Variants in FRAT2 observed in about 807,000 individuals in gnomAD.
FRAT2 encodes the protein FRAT regulator of Wnt signaling pathway 2.
For synonymous variants in FRAT2, 205 were observed against 171.5 expected (o/e 1.20, Z -1.53); for missense variants, 326 against 340.8 (o/e 0.96, Z 0.34).
chr10:97,334,093 C>A lies in FRAT2; in HGVS notation c.480G>T (p.Gln160His). 3 of 1,589,232 alleles carry A rather than the reference C, an allele frequency of 1.9e-6. No homozygotes were observed. The highest frequency in any genetic ancestry group is 2.6e-6 in the Non-Finnish European group (3 of 1,176,420). ...GTGCCCCGGCTTGGGTCCATCGGCGCTGCTGCAAGCGGCGGGAGGTGACCG... is the reference window on the plus strand; with the variant it reads ...GTGCCCCGGCTTGGGTCCATCGGCGATGCTGCAAGCGGCGGGAGGTGACCG... ...RDAVTSRRLQ[Q>H]RRWTQAGARA... Residue 160 changes from glutamine (Q) to histidine (H), a missense_variant, in exon 1 of 1, where the codon CAG becomes CAT. Coordinates refer to ENST00000371019, the MANE Select transcript of FRAT2 (RefSeq NM_012083.3).
rs1843539804 is a variant in FRAT2 at position 97,332,970 on chromosome 10, GA to G, written c.*900del. ...AGAGATCGTTTATGACTGTTTCTGA[GA>G]AAGCTCCTGGCATGGCCATGAGTGG... On this transcript the variant is annotated 3_prime_UTR_variant, in exon 1 of 1. Coordinates refer to ENST00000371019, the MANE Select transcript of FRAT2 (RefSeq NM_012083.3). 2 of 152,278 alleles carry G rather than the reference GA, an allele frequency of 1.3e-5. No homozygotes were observed. Among genetic ancestry groups the G allele is most frequent in the South Asian group, 4.1e-4 (2 of 4,836 alleles). The allele number at this position is 152,278 out of a possible 1,614,324, so 9.4% of individuals were successfully genotyped here. A position where few individuals can be genotyped will look rare whatever the true frequency, so the allele number is the denominator to read the frequency against.
chr10:97,334,244 G>T lies in FRAT2; in HGVS notation c.329C>A (p.Ala110Asp). The T allele has an allele frequency of 1.7e-6, 2 of 1,198,510 alleles. No individual in the cohort carries two copies. The highest frequency in any genetic ancestry group is 2.1e-6 in the Non-Finnish European group (2 of 967,772). The allele number at this position is 1,198,510 out of a possible 1,614,324, so 74.2% of individuals were successfully genotyped here. ...AETVGPAPSG[A>D]LRCALGDRGR... ...GCGGTCCCCTAGGGCGCAGCGCAGG[G>T]CCCCAGAGGGCGCCGGGCCCACCGT... The change falls in exon 1 of 1, where the codon GCC becomes GAC. Residue 110 changes from alanine to aspartate, a missense_variant. Ala to Asp is a moderately radical substitution (Grantham distance 126). Coordinates refer to ENST00000371019, the MANE Select transcript of FRAT2 (RefSeq NM_012083.3).
At position 97,334,058 on chromosome 10, in the gene FRAT2, T is replaced by G; in HGVS notation, c.515A>C (p.Asp172Ala). Residue 172 changes from aspartate to alanine, a missense_variant, in exon 1 of 1, where the codon GAC (aspartate) becomes GCC (alanine). By Grantham distance (126) the Asp-to-Ala change is moderately radical (BLOSUM62 -2). Transcript: ENST00000371019. ...RWTQAGARAG[D>A]DDPHRLLQQL... ...CTGGAGGAGCCGATGCGGGTCGTCG[T>G]CGCCGGCGCGTGCCCCGGCTTGGGT... is the stretch of plus-strand genomic sequence containing the variant. 1 of 1,595,148 alleles carries G rather than the reference T, an allele frequency of 6.3e-7. No homozygotes were observed. The highest frequency in any genetic ancestry group is 8.5e-7 in the Non-Finnish European group (1 of 1,178,502).
rs963426915 is a variant in FRAT2 at position 97,334,659 on chromosome 10, C to A, written c.-87G>T. The A allele has an allele frequency of 1.3e-5, 17 of 1,283,256 alleles. No individual in the cohort carries two copies. The African/African-American group carries it at 2.5e-4, about 19-fold the overall frequency. The allele number at this position is 1,283,256 out of a possible 1,614,324, so 79.5% of individuals were successfully genotyped here. A position where few individuals can be genotyped will look rare whatever the true frequency, so the allele number is the denominator to read the frequency against. Reference sequence around the variant, plus strand: ...CGCGGAGCTGCGGGCGAAGCCGGAGCAGGGGCGGACGCGGAAGCCGGAGCC... The same window carrying A: ...CGCGGAGCTGCGGGCGAAGCCGGAGAAGGGGCGGACGCGGAAGCCGGAGCC... On this transcript the variant is annotated 5_prime_UTR_variant, in exon 1 of 1. Transcript: ENST00000371019.
rs765014260 is a variant in FRAT2 at position 97,333,976 on chromosome 10, G to A, written c.597C>T (p.Ala199=). The A allele has an allele frequency of 3.5e-5, 56 of 1,583,814 alleles. No individual in the cohort carries two copies. The highest frequency in any genetic ancestry group is 8.0e-5 in the African/African-American group (6 of 74,628). Residue 199 remains alanine (A), a synonymous_variant, in exon 1 of 1, where the codon GCC becomes GCT. Transcript: ENST00000371019. ...IKEAVRRLQR[A]VAAVAATGPA... is the part of the protein sequence containing the mutation. ...GGCCCGTGGCTGCAACCGCGGCGAC[G>A]GCTCGTTGGAGTCTCCGCACGGCTT...
rs1337842521 is a variant in FRAT2, at chr10:97,332,677, C to A, written c.*1194G>T. 6.6e-6 allele frequency: 1 copy of A among 152,160 alleles called. No homozygotes were observed. Among genetic ancestry groups the A allele is most frequent in the Non-Finnish European group, 1.5e-5 (1 of 68,044 alleles). 9.4% of individuals were successfully genotyped at this position (152,160 alleles called of 1,614,324 possible). A position where few individuals can be genotyped will look rare whatever the true frequency, so the allele number is the denominator to read the frequency against. ...GCTACCTTAAAGTTTGGGGGTGGCA[C>A]CTTACAAAAGCGCCGTCAAGTTTCA... On this transcript the variant is annotated 3_prime_UTR_variant, in exon 1 of 1. Coordinates refer to ENST00000371019, the MANE Select transcript of FRAT2 (RefSeq NM_012083.3).
At position 97,334,095 on chromosome 10, in the gene FRAT2, G is replaced by A; in HGVS notation, c.478C>T (p.Gln160Ter). The change falls in exon 1 of 1, where the codon CAG becomes TAG. Residue 160 changes from glutamine to a stop codon, truncating the protein, a stop_gained. Coordinates refer to ENST00000371019, the MANE Select transcript of FRAT2 (RefSeq NM_012083.3). LOFTEE classifies it low-confidence loss of function (END_TRUNC). Reference protein sequence around the residue: ...RDAVTSRRLQQRRWTQAGARA... With the variant: ...RDAVTSRRLQ ...GCCCCGGCTTGGGTCCATCGGCGCT[G>A]CTGCAAGCGGCGGGAGGTGACCGCG... is the stretch of plus-strand genomic sequence containing the variant. The A allele has an allele frequency of 6.3e-7, 1 of 1,587,572 alleles. No homozygotes were observed. Among genetic ancestry groups the A allele is most frequent in the Non-Finnish European group, 8.5e-7 (1 of 1,175,722 alleles).
At position 97,334,092 on chromosome 10, in the gene FRAT2, G is replaced by A. The variant is rs766102767; in HGVS notation, c.481C>T (p.Arg161Cys). ...CGTGCCCCGGCTTGGGTCCATCGGCGCTGCTGCAAGCGGCGGGAGGTGACC... is the reference window on the plus strand; with the variant it reads ...CGTGCCCCGGCTTGGGTCCATCGGCACTGCTGCAAGCGGCGGGAGGTGACC... ...DAVTSRRLQQ[R>C]RWTQAGARAG... Residue 161 changes from arginine to cysteine, a missense_variant, in exon 1 of 1, where the codon CGC (arginine) becomes TGC (cysteine). Arg to Cys is a radical substitution (Grantham distance 180, BLOSUM62 -3). Transcript: ENST00000371019. 70 of 1,588,754 alleles carry A rather than the reference G, an allele frequency of 4.4e-5. No individual in the cohort carries two copies. In the African/African-American group the frequency reaches 5.2e-4, roughly 12 times the overall value.
rs1422096663 is a variant in FRAT2, at chr10:97,333,821, G to A, written c.*50C>T. 2.8e-6 allele frequency: 4 copies of A among 1,415,344 alleles called. No individual in the cohort carries two copies. The East Asian group carries it at 8.1e-5, about 29-fold the overall frequency. The allele number at this position is 1,415,344 out of a possible 1,614,324, so 87.7% of individuals were successfully genotyped here. Reference sequence around the variant, plus strand: ...AGCTCAGAGTTAGTAGGAACTGGACGCTGTTGGGTCTACGCAGCGGCCTCC... The same window carrying A: ...AGCTCAGAGTTAGTAGGAACTGGACACTGTTGGGTCTACGCAGCGGCCTCC... On this transcript the variant is annotated 3_prime_UTR_variant, in exon 1 of 1. Coordinates refer to ENST00000371019, the MANE Select transcript of FRAT2 (RefSeq NM_012083.3).
In FRAT2 at chr10:97,334,307, G is replaced by A. The variant is rs1344809339; in HGVS notation, c.266C>T (p.Pro89Leu). 5 of 1,134,512 alleles carry A rather than the reference G, an allele frequency of 4.4e-6. No individual in the cohort carries two copies. Among genetic ancestry groups the A allele is most frequent in the South Asian group, 8.5e-5 (2 of 23,550 alleles). 70.3% of individuals were successfully genotyped at this position (1,134,512 alleles called of 1,614,324 possible). ...GGGCGGCAGCAGCAGCGGCACCGCCGGGGGCCGGGCCTTGTCCGCCGGCAC... is the reference window on the plus strand; with the variant it reads ...GGGCGGCAGCAGCAGCGGCACCGCCAGGGGCCGGGCCTTGTCCGCCGGCAC... Reference protein sequence around the residue: ...AAVPADKARPPAVPLLLPPAS... With the variant: ...AAVPADKARPLAVPLLLPPAS... Residue 89 changes from proline (P) to leucine (L), a missense_variant, in exon 1 of 1, where the codon CCG (proline) becomes CTG (leucine). Transcript: ENST00000371019.
rs1843556062 is a variant in FRAT2, at chr10:97,334,298, G to A, written c.275C>T (p.Pro92Leu). ...PADKARPPAV[P>L]LLLPPASAET... is the part of the protein sequence containing the mutation. ...AGCCGAAGCGGGCGGCAGCAGCAGCGGCACCGCCGGGGGCCGGGCCTTGTC... is the reference window on the plus strand; with the variant it reads ...AGCCGAAGCGGGCGGCAGCAGCAGCAGCACCGCCGGGGGCCGGGCCTTGTC... The change falls in exon 1 of 1, where the codon CCG (proline) becomes CTG (leucine). Residue 92 changes from proline to leucine, a missense_variant. Coordinates refer to ENST00000371019, the MANE Select transcript of FRAT2 (RefSeq NM_012083.3). The A allele has an allele frequency of 8.8e-7, 1 of 1,137,266 alleles. No homozygotes were observed. Among genetic ancestry groups the A allele is most frequent in the Non-Finnish European group, 1.1e-6 (1 of 929,194 alleles). The allele number at this position is 1,137,266 out of a possible 1,614,324, so 70.4% of individuals were successfully genotyped here. A position where few individuals can be genotyped will look rare whatever the true frequency, so the allele number is the denominator to read the frequency against.
chr10:97,333,977 G>A lies in FRAT2; in HGVS notation c.596C>T (p.Ala199Val). ...GCCCGTGGCTGCAACCGCGGCGACG[G>A]CTCGTTGGAGTCTCCGCACGGCTTC... ...IKEAVRRLQR[A>V]VAAVAATGPA... is the part of the protein sequence containing the mutation. Residue 199 changes from alanine to valine, a missense_variant, in exon 1 of 1, where the codon GCC becomes GTC. By Grantham distance (64) the Ala-to-Val change is moderately conservative (BLOSUM62 0). Transcript: ENST00000371019. 1 of 1,584,364 alleles carries A rather than the reference G, an allele frequency of 6.3e-7. No individual in the cohort carries two copies. Among genetic ancestry groups the A allele is most frequent in the Non-Finnish European group, 8.5e-7 (1 of 1,173,252 alleles).
Position 97,333,808 on chromosome 10 carries a change from G to A in FRAT2, c.*63C>T. 1 of 1,396,256 alleles carries A rather than the reference G, an allele frequency of 7.2e-7. No homozygotes were observed. The highest frequency in any genetic ancestry group is 9.3e-7 in the Non-Finnish European group (1 of 1,076,324). 86.5% of individuals were successfully genotyped at this position (1,396,256 alleles called of 1,614,324 possible). The stretch of plus-strand genomic sequence containing the variant: ...CGACGTCGGCTTCAGCTCAGAGTTA[G>A]TAGGAACTGGACGCTGTTGGGTCTA... On this transcript the variant is annotated 3_prime_UTR_variant, in exon 1 of 1. Transcript: ENST00000371019.
At position 97,334,506 on chromosome 10, in the gene FRAT2, C is replaced by T; in HGVS notation, c.67G>A (p.Asp23Asn). The T allele has an allele frequency of 1.3e-5, 19 of 1,494,812 alleles. No homozygotes were observed. Among genetic ancestry groups the T allele is most frequent in the Non-Finnish European group, 1.7e-5 (19 of 1,127,106 alleles). The allele number at this position is 1,494,812 out of a possible 1,614,324, so 92.6% of individuals were successfully genotyped here. A position where few individuals can be genotyped will look rare whatever the true frequency, so the allele number is the denominator to read the frequency against. Residue 23 changes from aspartate (D) to asparagine (N), a missense_variant, in exon 1 of 1, where the codon GAC (aspartate) becomes AAC (asparagine). Coordinates refer to ENST00000371019, the MANE Select transcript of FRAT2 (RefSeq NM_012083.3). Reference protein sequence around the residue: ...EEAEGEEEEDDSFLLLQQSVT... With the variant: ...EEAEGEEEEDNSFLLLQQSVT... ...GACTGCTGCAGCAGGAGGAAGCTGT[C>T]GTCCTCCTCTTCCTCCCCCTCCGCC...
At position 97,333,958 on chromosome 10, in the gene FRAT2, G is replaced by A. The variant is rs369885319; in HGVS notation, c.615C>T (p.Ala205=). Residue 205 remains alanine (A), a synonymous_variant, in exon 1 of 1, where the codon GCC becomes GCT. Coordinates refer to ENST00000371019, the MANE Select transcript of FRAT2 (RefSeq NM_012083.3). The part of the protein sequence containing the change: ...RLQRAVAAVA[A]TGPASAPGPG... The stretch of plus-strand genomic sequence containing the variant: ...GCCCAGGGGCGCTTGCGGGGCCCGT[G>A]GCTGCAACCGCGGCGACGGCTCGTT... The A allele has an allele frequency of 2.5e-6, 4 of 1,578,542 alleles. No homozygotes were observed. Among genetic ancestry groups the A allele is most frequent in the Non-Finnish European group, 8.5e-7 (1 of 1,169,908 alleles).
rs768870341 is a variant in FRAT2, at chr10:97,334,159, G to A, written c.414C>T (p.Ser138=). The A allele has an allele frequency of 3.4e-6, 5 of 1,450,270 alleles. No homozygotes were observed. The highest frequency in any genetic ancestry group is 4.5e-6 in the Non-Finnish European group (5 of 1,112,178). The allele number at this position is 1,450,270 out of a possible 1,614,324, so 89.8% of individuals were successfully genotyped here. A position where few individuals can be genotyped will look rare whatever the true frequency, so the allele number is the denominator to read the frequency against. The part of the protein sequence containing the change: ...YCVAEVAAGP[S]ALPGPCRRGW... ...CTCGCCGGCACGGCCCCGGCAGCGC[G>A]CTGGGGCCTGCGGCGACCTCCGCCA... Residue 138 remains serine, a synonymous_variant, in exon 1 of 1, where the codon AGC becomes AGT. Transcript: ENST00000371019.
Position 97,334,173 on chromosome 10 carries a change from C to A in FRAT2, c.400G>T (p.Ala134Ser), listed in dbSNP as rs1446293703. ...RAAPYCVAEV[A>S]AGPSALPGPC... Reference sequence around the variant, plus strand: ...CCCGGCAGCGCGCTGGGGCCTGCGGCGACCTCCGCCACGCAGTAGGGCGCA... The same window carrying A: ...CCCGGCAGCGCGCTGGGGCCTGCGGAGACCTCCGCCACGCAGTAGGGCGCA... The change falls in exon 1 of 1, where the codon GCC becomes TCC. Residue 134 changes from alanine (A) to serine (S), a missense_variant. Transcript: ENST00000371019. The A allele has an allele frequency of 1.4e-6, 2 of 1,394,244 alleles. No homozygotes were observed. The highest frequency in any genetic ancestry group is 1.8e-6 in the Non-Finnish European group (2 of 1,084,168). 86.4% of individuals were successfully genotyped at this position (1,394,244 alleles called of 1,614,324 possible).
Position 97,334,490 on chromosome 10 carries a change from A to T in FRAT2, c.83T>A (p.Leu28Gln). ...GCTGCCCAGCGTCACCGACTGCTGC[A>T]GCAGGAGGAAGCTGTCGTCCTCCTC... is the stretch of plus-strand genomic sequence containing the variant. ...EEEEDDSFLLLQQSVTLGSSG... is the reference protein window; with the variant it reads ...EEEEDDSFLLQQQSVTLGSSG... The change falls in exon 1 of 1, where the codon CTG (leucine) becomes CAG (glutamine). Residue 28 changes from leucine (L) to glutamine (Q), a missense_variant. Leu to Gln is a moderately radical substitution (Grantham distance 113). Coordinates refer to ENST00000371019, the MANE Select transcript of FRAT2 (RefSeq NM_012083.3). 1 of 1,493,492 alleles carries T rather than the reference A, an allele frequency of 6.7e-7. No homozygotes were observed. The highest frequency in any genetic ancestry group is 1.2e-5 in the South Asian group (1 of 80,330). The allele number at this position is 1,493,492 out of a possible 1,614,324, so 92.5% of individuals were successfully genotyped here.
In FRAT2 at chr10:97,334,096, C is replaced by G. The variant is rs566685296; in HGVS notation, c.477G>C (p.Gln159His). ...LRDAVTSRRL[Q>H]QRRWTQAGAR... The stretch of plus-strand genomic sequence containing the variant: ...CCCCGGCTTGGGTCCATCGGCGCTG[C>G]TGCAAGCGGCGGGAGGTGACCGCGT... The change falls in exon 1 of 1, where the codon CAG becomes CAC. Residue 159 changes from glutamine to histidine, a missense_variant. Gln to His is a conservative substitution (Grantham distance 24, BLOSUM62 0). Transcript: ENST00000371019. 2 of 1,587,670 alleles carry G rather than the reference C, an allele frequency of 1.3e-6. No individual in the cohort carries two copies. Among genetic ancestry groups the G allele is most frequent in the East Asian group, 4.5e-5 (2 of 44,276 alleles).
Sources: allele counts gnomAD v4.1 joint callset, GRCh38; gene constraint gnomAD v4.1.1; transcripts MANE v1.5; gene names NCBI Gene and HGNC (gene_info 2026-07-23, HGNC 2026-07-21).